COX7B2: variants seen among roughly 807,000 people sequenced by gnomAD.
The protein encoded by COX7B2 is cytochrome c oxidase subunit 7B2.
For missense variants in COX7B2, 109 were observed against 95.9 expected (o/e 1.14, Z -0.57); for synonymous variants, 37 against 32.1 (o/e 1.15, Z -0.51).
chr4:46,789,538 C>T (rs1467246341), intron 2 of COX7B2, among the ~76,000 whole-genome samples: 4 of 152,240 alleles, frequency 2.6e-5, no homozygotes, highest in African/African-American at 7.2e-5. Flanking sequence ...TTCTAGTTGG[C>T]ATATTACTGT....
intron 1 of COX7B2, among the ~76,000 whole-genome samples, chr4:46,875,362 T>A (rs1019592576): frequency 6.6e-6 from 1 of 152,226 alleles, no homozygotes; most frequent in South Asian, 2.1e-4. Flanking sequence ...TTTAACCCTT[T>A]GCATTTTTTC....
intron 1 of COX7B2, among the ~76,000 whole-genome samples, chr4:46,895,924 C>G (rs1719732657): frequency 6.6e-6 from 1 of 152,118 alleles, no homozygotes; most frequent in African/African-American, 2.4e-5. Flanking sequence ...CTTTCACCAC[C>G]TTTATTATCA....
intron 2 of COX7B2, among the ~76,000 whole-genome samples, chr4:46,770,939 A>G (rs1716842265): frequency 6.6e-6 from 1 of 152,152 alleles, no homozygotes; most frequent in African/African-American, 2.4e-5. Flanking sequence ...TATGACCCCA[A>G]AAGCACAGGC....
chr4:46,884,490 A>G (rs1718949409), intron 1 of COX7B2, among the ~76,000 whole-genome samples: 1 of 152,238 alleles, frequency 6.6e-6, no homozygotes, highest in Non-Finnish European at 1.5e-5. Flanking sequence ...GTTTTATCAC[A>G]AAAATTAGCT....
intron 1 of COX7B2, among the ~76,000 whole-genome samples, chr4:46,864,339 AC>A (rs986379425): frequency 6.6e-6 from 1 of 151,796 alleles, no homozygotes; most frequent in Non-Finnish European, 1.5e-5. Flanking sequence ...TCTGAAGGCC[AC>A]CCACGACATT....
intron 2 of COX7B2, among the ~76,000 whole-genome samples, chr4:46,794,415 T>C (rs566461432): frequency 7.2e-5 from 11 of 152,158 alleles, no homozygotes; most frequent in Non-Finnish European, 1.6e-4. Flanking sequence ...TGGTTTAATA[T>C]ATAGGAAGGT....
chr4:46,737,779 AT>A (rs1052765221), intron 2 of COX7B2, among the ~76,000 whole-genome samples: 10 of 152,222 alleles, frequency 6.6e-5, no homozygotes, highest in African/African-American at 2.2e-4. Context: ...CAACACAGAT[AT>A]AAAAGGCCCT....
rs140332233 is a variant in COX7B2 at position 46,890,966 on chromosome 4, A to T, written c.-105+18194T>A. ...AAGACGAAATGCAAGGGGTTGAAGG[A>T]TAAAGTAAGAATCTAGGCTAGAGAT... On this transcript the variant is annotated intron_variant, in intron 1 of 2. Transcript: ENST00000355591. Among the ~76,000 whole-genome samples, 39 of 152,318 alleles carry T rather than the reference A, an allele frequency of 2.6e-4. No individual in the cohort carries two copies. The East Asian group carries it at 7.1e-3, about 28-fold the overall frequency.
rs369189431 is a variant in COX7B2, at chr4:46,794,040, A to C, written c.-50+50920T>G. Among the ~76,000 whole-genome samples the C allele has an allele frequency of 1.4e-4, 21 of 152,206 alleles. 1 individual carries two copies. Among genetic ancestry groups the C allele is most frequent in the African/African-American group, 5.1e-4 (21 of 41,448 alleles). ...CAATTCTCTTCAGTACCCATCCCAC[A>C]GCCTCTCTTTGTTTCTACATCTATG... On this transcript the variant is annotated intron_variant, in intron 2 of 2. Coordinates refer to ENST00000355591, the MANE Select transcript of COX7B2 (RefSeq NM_130902.3).
intron 2 of COX7B2, among the ~76,000 whole-genome samples, chr4:46,841,092 G>C (rs746644316): frequency 6.6e-6 from 1 of 151,892 alleles, no homozygotes; most frequent in Non-Finnish European, 1.5e-5. Context: ...CTAGAAGAGA[G>C]GTAAGCAAGA....
chr4:46,735,338 G>A lies in COX7B2; in HGVS notation c.-49-97C>T, dbSNP rs1714301665. 3 of 864,494 alleles carry A rather than the reference G, an allele frequency of 3.5e-6. No homozygotes were observed. In the South Asian group the frequency reaches 5.2e-5, roughly 15 times the overall value. The allele number at this position is 864,494 out of a possible 1,614,324, so 53.6% of individuals were successfully genotyped here. On this transcript the variant is annotated intron_variant, in intron 2 of 2. Coordinates refer to ENST00000355591, the MANE Select transcript of COX7B2 (RefSeq NM_130902.3). ...ACATCACCCCTTGGAGTGGTGTTCA[G>A]GAATGTGAGTTTTGATATAACAATA...
chr4:46,800,111 G>GA (rs980564361), intron 2 of COX7B2, among the ~76,000 whole-genome samples: 1 of 151,932 alleles, frequency 6.6e-6, no homozygotes, highest in Non-Finnish European at 1.5e-5. Flanking sequence ...AAATACTGTG[G>GA]AAAAAAATCA....
At chr4:46,742,540 C>G (rs1440487027) in intron 2 of COX7B2, among the ~76,000 whole-genome samples, 3 of 152,086 alleles carry the variant, frequency 2.0e-5, no homozygotes, top group Admixed American at 2.0e-4. Flanking sequence ...GGTAAAAATG[C>G]TGAACAATGG....
At chr4:46,783,235 A>C (rs1344035447) in intron 2 of COX7B2, among the ~76,000 whole-genome samples, 1 of 152,220 alleles carries the variant, frequency 6.6e-6, no homozygotes, top group African/African-American at 2.4e-5. Flanking sequence ...AAAGGCTTTG[A>C]CAGAAACCTT....
intron 1 of COX7B2, among the ~76,000 whole-genome samples, chr4:46,900,743 T>C (rs1235924292): frequency 6.6e-6 from 1 of 152,136 alleles, no homozygotes; most frequent in Non-Finnish European, 1.5e-5. Context: ...TGTTTGTCCC[T>C]ACCACCATGT....
At chr4:46,740,949 C>T (rs1714668239) in intron 2 of COX7B2, among the ~76,000 whole-genome samples, 2 of 151,980 alleles carry the variant, frequency 1.3e-5, no homozygotes, top group Non-Finnish European at 2.9e-5. Context: ...GTGATCTAGG[C>T]ACCGAATACT....
chr4:46,898,201 C>T (rs946456354), intron 1 of COX7B2, among the ~76,000 whole-genome samples: 2 of 152,152 alleles, frequency 1.3e-5, no homozygotes, highest in Non-Finnish European at 2.9e-5. Context: ...TGCCACCTTC[C>T]CTTCCAAATT....
chr4:46,813,515 T>C (rs960583659), intron 2 of COX7B2, among the ~76,000 whole-genome samples: 3 of 152,042 alleles, frequency 2.0e-5, no homozygotes, highest in Non-Finnish European at 4.4e-5. Context: ...TGAAAACACA[T>C]GGACACAGGG....
At chr4:46,753,616 GA>G (rs1489235482) in intron 2 of COX7B2, among the ~76,000 whole-genome samples, 1 of 151,958 alleles carries the variant, frequency 6.6e-6, no homozygotes, top group East Asian at 1.9e-4. Context: ...AACCCTAGAA[GA>G]AAACCTAGGC....
Sources: gnomAD v4.1 joint callset for allele counts (sites outside exome capture counted in the v4.1 genomes callset) on GRCh38, gnomAD v4.1.1 for gene constraint, MANE v1.5 for transcripts, NCBI Gene and HGNC (gene_info 2026-07-23, HGNC 2026-07-21) for gene names.